KIF6: variants seen among roughly 807,000 people sequenced by gnomAD.
KIF6 encodes the protein kinesin family member 6.
Under a neutral mutation model 112.7 loss-of-function variants are expected in KIF6, and 106 were observed. The observed-to-expected ratio is 0.94, with a 90% CI of 0.80 to 1.11. The LOEUF is 1.11. KIF6 is among the 50% of genes least tolerant of loss of function. The probability of loss-of-function intolerance (pLI) is 0.00; values close to 1 mark genes in which losing one functional copy is unlikely to be tolerated. For synonymous variants in KIF6, 339 were observed against 339.9 expected (o/e 1.00, Z 0.03); for missense variants, 929 against 964.0 (o/e 0.96, Z 0.48).
intron 5 of KIF6, among the ~76,000 whole-genome samples, chr6:39,628,052 A>G (rs1000402503): frequency 1.3e-5 from 2 of 152,162 alleles, no homozygotes; most frequent in African/African-American, 4.8e-5. Flanking sequence ...TTTAAATTAA[A>G]CCTTTTGAGA....
intron 10 of KIF6, among the ~76,000 whole-genome samples, chr6:39,563,711 G>C (rs1376673168): frequency 1.3e-5 from 2 of 152,040 alleles, no homozygotes; most frequent in Admixed American, 1.3e-4. Flanking sequence ...TGCTTTTCAG[G>C]GCTGCCCAGC....
At chr6:39,534,392 G>C (rs1483300768) in intron 13 of KIF6, among the ~76,000 whole-genome samples, 1 of 151,970 alleles carries the variant, frequency 6.6e-6, no homozygotes, top group Non-Finnish European at 1.5e-5. Context: ...TGAAAGCCAA[G>C]GCTCCAGAAC....
At chr6:39,639,377 A>G (rs946374661) in intron 4 of KIF6, among the ~76,000 whole-genome samples, 1 of 152,116 alleles carries the variant, frequency 6.6e-6, no homozygotes, top group Non-Finnish European at 1.5e-5. Flanking sequence ...ATCAGAAGGA[A>G]ATGTCCTTGA....
chr6:39,464,985 CA>C (rs1354302301), intron 13 of KIF6, among the ~76,000 whole-genome samples: 1 of 152,202 alleles, frequency 6.6e-6, no homozygotes, highest in Non-Finnish European at 1.5e-5. Context: ...AACAGTTGAA[CA>C]GGAGCTAGCA....
chr6:39,441,134 AC>A (rs1315155267), intron 13 of KIF6, among the ~76,000 whole-genome samples: 1 of 152,130 alleles, frequency 6.6e-6, no homozygotes, highest in Non-Finnish European at 1.5e-5. Context: ...GAATATGCAG[AC>A]CCTATGTTAC....
chr6:39,486,327 C>T (rs903721445), intron 13 of KIF6, among the ~76,000 whole-genome samples: 1 of 152,156 alleles, frequency 6.6e-6, no homozygotes, highest in East Asian at 1.9e-4. Flanking sequence ...CACAGAGAGA[C>T]AGAGGGAACC....
chr6:39,473,158 T>C (rs557964766), intron 13 of KIF6, among the ~76,000 whole-genome samples: 32 of 152,090 alleles, frequency 2.1e-4, no homozygotes, highest in Non-Finnish European at 4.0e-4. Flanking sequence ...AGTGCTGGGA[T>C]TACAGGCGTG....
At position 39,586,325 on chromosome 6, in the gene KIF6, C is replaced by T; in HGVS notation, c.926G>A (p.Ser309Asn). The T allele has an allele frequency of 6.2e-7, 1 of 1,614,078 alleles. No homozygotes were observed. The highest frequency in any genetic ancestry group is 1.1e-5 in the South Asian group (1 of 91,068). ...NSMMTSVLRDSLGGNCMTTMI... is the reference protein window; with the variant it reads ...NSMMTSVLRDNLGGNCMTTMI... Reference sequence around the variant, plus strand: ...AGTTGTCATGCAGTTCCCTCCCAAACTGTCTCTTAGGACACTGGTCATCAT... The same window carrying T: ...AGTTGTCATGCAGTTCCCTCCCAAATTGTCTCTTAGGACACTGGTCATCAT... The change falls in exon 8 of 23, where the codon AGT becomes AAT. Residue 309 changes from serine (S) to asparagine (N), a missense_variant. This residue lies in a region of KIF6 where 688 missense variants were observed against 662.7 expected (regional missense o/e 1.04). Coordinates refer to ENST00000287152, the MANE Select transcript of KIF6 (RefSeq NM_145027.6).
chr6:39,642,337 T>C (rs189671707), intron 3 of KIF6, among the ~76,000 whole-genome samples: 1 of 152,262 alleles, frequency 6.6e-6, no homozygotes, highest in African/African-American at 2.4e-5. Flanking sequence ...ATGAGCTTTG[T>C]GGTATTTTAA....
At chr6:39,498,755 A>T (rs1468503157) in intron 13 of KIF6, among the ~76,000 whole-genome samples, 1 of 152,146 alleles carries the variant, frequency 6.6e-6, no homozygotes, top group African/African-American at 2.4e-5. Context: ...TTATAGAGGA[A>T]GAGGAGATGA....
At chr6:39,502,069 T>C (rs901842110) in intron 13 of KIF6, among the ~76,000 whole-genome samples, 1 of 150,578 alleles carries the variant, frequency 6.6e-6, no homozygotes, top group African/African-American at 2.4e-5. Context: ...AGAAAAAAAA[T>C]GTTAAGGGCA....
At chr6:39,341,206 C>T (rs1763308374) in intron 22 of KIF6, among the ~76,000 whole-genome samples, 1 of 152,160 alleles carries the variant, frequency 6.6e-6, no homozygotes, top group South Asian at 2.1e-4. Context: ...ACCCTCTCCC[C>T]AGCCACTCCC....
intron 6 of KIF6, among the ~76,000 whole-genome samples, chr6:39,612,953 A>G (rs1375726457): frequency 6.6e-6 from 1 of 152,214 alleles, no homozygotes. Context: ...CAGTGGATTG[A>G]GAATCCAGGG....
chr6:39,586,088 C>A (rs1378864344), intron 8 of KIF6, among the ~76,000 whole-genome samples, 173 bp downstream of exon 8: 1 of 152,152 alleles, frequency 6.6e-6, no homozygotes, highest in Admixed American at 6.5e-5. Context: ...CAATGACCCA[C>A]AAATAGCCCA....
intron 10 of KIF6, among the ~76,000 whole-genome samples, chr6:39,555,953 C>CAA (rs35420944): frequency 0.3 from 23,138 of 77,402 alleles, 3,607 homozygotes; most frequent in African/African-American, 0.42. Context: ...GACGCTGTCT[C>CAA]AAAAAAAAAA....
chr6:39,692,511 C>T (rs898067966), intron 3 of KIF6, among the ~76,000 whole-genome samples: 5 of 152,160 alleles, frequency 3.3e-5, no homozygotes, highest in African/African-American at 9.7e-5. Flanking sequence ...TTCAGAATCA[C>T]GCACAGGAAG....
chr6:39,593,186 A>T (rs537204722), intron 7 of KIF6, among the ~76,000 whole-genome samples: 2 of 152,324 alleles, frequency 1.3e-5, no homozygotes, highest in East Asian at 3.9e-4. Flanking sequence ...ACATTCAATC[A>T]CAATTTGTTG....
chr6:39,463,903 A>G (rs1179477652), intron 13 of KIF6, among the ~76,000 whole-genome samples: 1 of 152,092 alleles, frequency 6.6e-6, no homozygotes, highest in Non-Finnish European at 1.5e-5. Context: ...TTCCTCCCAC[A>G]TCTCTGTCAA....
intron 13 of KIF6, among the ~76,000 whole-genome samples, chr6:39,435,494 T>G (rs1192056863): frequency 6.6e-6 from 1 of 152,160 alleles, no homozygotes; most frequent in East Asian, 1.9e-4. Context: ...TAGTGTACAT[T>G]GTACCCAATA....
Sources: gnomAD v4.1 joint callset for allele counts (sites outside exome capture counted in the v4.1 genomes callset) on GRCh38, gnomAD v4.1.1 for gene constraint, gnomAD v4.1.1 regional missense constraint, MANE v1.5 for transcripts, NCBI Gene and HGNC (gene_info 2026-07-23, HGNC 2026-07-21) for gene names.